Variants in PPFIA4 observed in about 807,000 individuals in gnomAD.
The protein encoded by PPFIA4 is PPFI scaffold protein A4.
Under a neutral mutation model 145.7 loss-of-function variants are expected in PPFIA4, and 98 were observed. The observed-to-expected ratio is 0.67, with a 90% CI of 0.57 to 0.80. The LOEUF (loss-of-function observed/expected upper bound fraction) is 0.80. Ranked by LOEUF, PPFIA4 falls within the 30% of genes least tolerant of loss-of-function variation. PPFIA4 has a pLI of 0.00. For missense variants in PPFIA4, 1,457 were observed against 1,632.7 expected, an observed-to-expected ratio of 0.89 and a Z score of 1.85; for synonymous variants, 628 against 649.6, an observed-to-expected ratio of 0.97 and a Z score of 0.51.
chr1:203,074,116 T>C (rs1473057372), intron 28 of PPFIA4, among the ~76,000 whole-genome samples: 1 of 151,036 alleles, frequency 6.6e-6, no homozygotes, highest in East Asian at 1.9e-4. Flanking sequence ...GGGAAGGAGG[T>C]GAGAAAAGGA....
chr1:203,070,094 G>T (rs1662038901), intron 27 of PPFIA4, among the ~76,000 whole-genome samples: 1 of 148,434 alleles, frequency 6.7e-6, no homozygotes, highest in African/African-American at 2.4e-5. Context: ...TTTCTACCTA[G>T]AAATGGACTT....
At chr1:203,042,352 C>T (rs60532472) in intron 2 of PPFIA4, among the ~76,000 whole-genome samples, 34,729 of 152,158 alleles carry the variant, frequency 0.23, 4,444 homozygotes, top group East Asian at 0.46. Flanking sequence ...AAATGGGCCC[C>T]TCTAGAAGTG....
intron 8 of PPFIA4, 102 bp from the exon 9 acceptor site, chr1:203,046,146 C>T: frequency 6.6e-7 from 1 of 1,514,102 alleles, no homozygotes; most frequent in South Asian, 1.2e-5. Flanking sequence ...AAGATTGTCC[C>T]TTGCTGCTTC....
Position 203,043,216 on chromosome 1 carries a change from C to T in PPFIA4, c.235-181C>T, listed in dbSNP as rs1659823580. On this transcript the variant is annotated intron_variant, in intron 2 of 29. Coordinates refer to ENST00000295706, the MANE Select transcript of PPFIA4 (RefSeq NM_001304331.2). This position sits in a 1 kb window ranked among gnomAD's most constrained non-coding sequence, Gnocchi z 4.4. ...CATGGAGGACCCAGAGATGTGGACCCCTCTGGAGAAGCACATGCTAGCTAC... is the reference window on the plus strand; with the variant it reads ...CATGGAGGACCCAGAGATGTGGACCTCTCTGGAGAAGCACATGCTAGCTAC... 6.6e-6 allele frequency among the ~76,000 whole-genome samples: 1 copy of T among 152,124 alleles called. No individual in the cohort carries two copies. The highest frequency in any genetic ancestry group is 1.5e-5 in the Non-Finnish European group (1 of 68,032).
At chr1:203,028,844 A>G (rs1658621678) in intron 1 of PPFIA4, among the ~76,000 whole-genome samples, 1 of 152,112 alleles carries the variant, frequency 6.6e-6, no homozygotes, top group Non-Finnish European at 1.5e-5. Context: ...TGAAGTCACC[A>G]TCTGTCCCCC....
Position 203,048,655 on chromosome 1 carries a change from G to C in PPFIA4, c.1297G>C (p.Glu433Gln), listed in dbSNP as rs758548812. 6.2e-7 allele frequency: 1 copy of C among 1,607,596 alleles called. No individual in the cohort carries two copies. Among genetic ancestry groups the C allele is most frequent in the South Asian group, 1.1e-5 (1 of 90,148 alleles). The change falls in exon 11 of 30, where the codon GAG becomes CAG. Residue 433 changes from glutamate (E) to glutamine (Q), a missense_variant. Physicochemically the swap from Glu to Gln is conservative, Grantham distance 29. Transcript: ENST00000295706. This position sits in a 1 kb window ranked among gnomAD's most constrained non-coding sequence, Gnocchi z 5.8. The stretch of plus-strand genomic sequence containing the variant: ...GGACACAGTGGACCGGCTGCTCAGC[G>C]AGTCCAACGAGCGTCTGCAGCTCCA... ...LSDTVDRLLS[E>Q]SNERLQLHLK... is the part of the protein sequence containing the mutation.
intron 1 of PPFIA4, among the ~76,000 whole-genome samples, chr1:203,032,481 G>A (rs1426052281): frequency 6.8e-6 from 1 of 147,532 alleles, no homozygotes; most frequent in Non-Finnish European, 1.5e-5. Context: ...TACCCAGGCT[G>A]GAGTAAGTAG....
Position 203,055,152 on chromosome 1 carries a change from C to T in PPFIA4, c.1830-280C>T, listed in dbSNP as rs995528103. On this transcript the variant is annotated intron_variant, in intron 15 of 29. Coordinates refer to ENST00000295706, the MANE Select transcript of PPFIA4 (RefSeq NM_001304331.2). The surrounding 1 kb of genome is among the most constrained non-coding windows in gnomAD (Gnocchi z 4.8). ...GACAGCAAAATACCTGACTCAAGGCCACCCTATAGTTAGGGGTATGTCAAG... is the reference window on the plus strand; with the variant it reads ...GACAGCAAAATACCTGACTCAAGGCTACCCTATAGTTAGGGGTATGTCAAG... Among the ~76,000 whole-genome samples, 2 of 152,228 alleles carry T rather than the reference C, an allele frequency of 1.3e-5. No individual in the cohort carries two copies. Among genetic ancestry groups the T allele is most frequent in the Non-Finnish European group, 1.5e-5 (1 of 68,048 alleles).
At chr1:203,052,665 C>G (rs1660621130) in intron 14 of PPFIA4, among the ~76,000 whole-genome samples, 1 of 152,140 alleles carries the variant, frequency 6.6e-6, no homozygotes, top group Admixed American at 6.5e-5. Context: ...AGCTGAGAGG[C>G]TGCAGGAGCC....
At chr1:203,071,169 T>C (rs1300595540) in intron 27 of PPFIA4, among the ~76,000 whole-genome samples, 1 of 112,014 alleles carries the variant, frequency 8.9e-6, no homozygotes, top group Non-Finnish European at 1.8e-5. Flanking sequence ...CCAAGACTGC[T>C]ATTTTTTTTT....
Position 203,053,804 on chromosome 1 carries a change from G to A in PPFIA4, c.1672G>A (p.Ala558Thr), listed in dbSNP as rs1472526361. The A allele has an allele frequency of 2.6e-6, 4 of 1,552,802 alleles. No individual in the cohort carries two copies. The highest frequency in any genetic ancestry group is 1.4e-5 in the African/African-American group (1 of 73,116). Residue 558 changes from alanine (A) to threonine (T), a missense_variant, in exon 15 of 30, where the codon GCC becomes ACC. By Grantham distance (58) the Ala-to-Thr change is moderately conservative (BLOSUM62 0). Around this residue, in one of 3 missense-constraint regions of PPFIA4, gnomAD observed 848 missense variants for 1,046.7 expected, o/e 0.81. Coordinates refer to ENST00000295706, the MANE Select transcript of PPFIA4 (RefSeq NM_001304331.2). Reference protein sequence around the residue: ...PGMLAPAAGPAFDSDPEISDV... With the variant: ...PGMLAPAAGPTFDSDPEISDV... ...GATGCTGGCCCCGGCAGCTGGCCCTGCCTTTGACAGTGACCCTGAGATCTC... is the reference window on the plus strand; with the variant it reads ...GATGCTGGCCCCGGCAGCTGGCCCTACCTTTGACAGTGACCCTGAGATCTC...
In PPFIA4 at chr1:203,060,912, T is replaced by C; in HGVS notation, c.2785-58T>C. ...GTCCTTGTCCTTTGGGCTCCCAGCC[T>C]GATGGGGATCCTGGGGACCCACACC... On this transcript the variant is annotated intron_variant, in intron 22 of 29. Coordinates refer to ENST00000295706, the MANE Select transcript of PPFIA4 (RefSeq NM_001304331.2). This position sits in a 1 kb window ranked among gnomAD's most constrained non-coding sequence, Gnocchi z 4.8. 1 of 1,539,918 alleles carries C rather than the reference T, an allele frequency of 6.5e-7. No homozygotes were observed. The highest frequency in any genetic ancestry group is 9.0e-7 in the Non-Finnish European group (1 of 1,113,520).
intron 1 of PPFIA4, among the ~76,000 whole-genome samples, chr1:203,034,161 A>C (rs2102611002): frequency 6.6e-6 from 1 of 152,346 alleles, no homozygotes. Context: ...GGATCAGAAG[A>C]GACTCCATGG....
chr1:203,040,308 C>T (rs1311413106), intron 2 of PPFIA4, among the ~76,000 whole-genome samples: 2 of 152,170 alleles, frequency 1.3e-5, no homozygotes, highest in Non-Finnish European at 2.9e-5. Context: ...CTACCCTGAC[C>T]CAGTGGGGGC....
chr1:203,031,460 C>T (rs1658823303), intron 1 of PPFIA4, among the ~76,000 whole-genome samples: 1 of 152,208 alleles, frequency 6.6e-6, no homozygotes, highest in Non-Finnish European at 1.5e-5. Context: ...ACATGACACC[C>T]CCCCATTCTC....
chr1:203,075,634 G>T lies in PPFIA4; in HGVS notation c.3451G>T (p.Glu1151Ter). 6.7e-7 allele frequency: 1 copy of T among 1,493,254 alleles called. No individual in the cohort carries two copies. Among genetic ancestry groups the T allele is most frequent in the Admixed American group, 2.3e-5 (1 of 42,824 alleles). 92.5% of individuals were successfully genotyped at this position (1,493,254 alleles called of 1,614,324 possible). ...PSWRKRFRPREHHGRGGMLSA... is the reference protein window; with the variant it reads ...PSWRKRFRPR ...CTGGAGGAAGCGCTTCCGGCCGCGGGAGCACCACGGTCGCGGCGGCATGCT... is the reference window on the plus strand; with the variant it reads ...CTGGAGGAAGCGCTTCCGGCCGCGGTAGCACCACGGTCGCGGCGGCATGCT... The change falls in exon 29 of 30, where the codon GAG (glutamate) becomes TAG (stop). Residue 1151 changes from glutamate to a stop codon, truncating the protein, a stop_gained. Coordinates refer to ENST00000295706, the MANE Select transcript of PPFIA4 (RefSeq NM_001304331.2). LOFTEE classifies it high-confidence loss of function. The surrounding 1 kb of genome is among the most constrained non-coding windows in gnomAD (Gnocchi z 4.1).
intron 1 of PPFIA4, among the ~76,000 whole-genome samples, chr1:203,038,343 G>T (rs561798317): frequency 1.3e-5 from 2 of 152,328 alleles, no homozygotes; most frequent in African/African-American, 2.4e-5. Context: ...AGTGAGCCAC[G>T]TGGGTAGGGG....
chr1:203,070,258 G>A (rs1171358740), intron 27 of PPFIA4, among the ~76,000 whole-genome samples: 1 of 151,960 alleles, frequency 6.6e-6, no homozygotes, highest in Non-Finnish European at 1.5e-5. Flanking sequence ...GAAGTAGTGT[G>A]TGACCCAATA....
chr1:203,075,564 C>T lies in PPFIA4; in HGVS notation c.3394-13C>T, dbSNP rs1241709499. The stretch of plus-strand genomic sequence containing the variant: ...ACAGGGCCCTCGGGCCTCTGGTGTC[C>T]CCCATGGTGCAGGGGGATGACAAGG... On this transcript the variant is annotated splice_polypyrimidine_tract_variant and intron_variant, in intron 28 of 29. Transcript: ENST00000295706. The surrounding 1 kb of genome is among the most constrained non-coding windows in gnomAD (Gnocchi z 4.1). The T allele has an allele frequency of 2.1e-6, 3 of 1,399,818 alleles. No individual in the cohort carries two copies. Among genetic ancestry groups the T allele is most frequent in the African/African-American group, 3.0e-5 (2 of 66,896 alleles). The allele number at this position is 1,399,818 out of a possible 1,614,324, so 86.7% of individuals were successfully genotyped here.
Sources: allele counts gnomAD v4.1 joint callset (sites outside exome capture counted in the v4.1 genomes callset), GRCh38; gene constraint gnomAD v4.1.1; regional missense constraint gnomAD v4.1.1; non-coding constraint Gnocchi (gnomAD v3.1); transcripts MANE v1.5; gene names NCBI Gene and HGNC (gene_info 2026-07-23, HGNC 2026-07-21).